HNRNPD: variants seen among roughly 807,000 people sequenced by gnomAD.
HNRNPD encodes heterogeneous nuclear ribonucleoprotein D.
Under a neutral mutation model 47.9 loss-of-function variants are expected in HNRNPD, and 3 were observed. The ratio of observed to expected loss-of-function variants is 0.06; its 90% confidence interval spans 0.03 to 0.16. The LOEUF (loss-of-function observed/expected upper bound fraction) is 0.16, where lower values mean the gene tolerates loss of function less well. Ranked by LOEUF, HNRNPD falls within the 10% of genes least tolerant of loss-of-function variation. The probability of loss-of-function intolerance (pLI) is 1.00; values close to 1 mark genes in which losing one functional copy is unlikely to be tolerated. For missense variants in HNRNPD, 287 were observed against 454.2 expected (o/e 0.63, Z 3.35); for synonymous variants, 171 against 165.1 (o/e 1.04, Z -0.28).
intron 2 of HNRNPD, among the ~76,000 whole-genome samples, chr4:82,369,046 A>G (rs1263885656): frequency 1.3e-5 from 2 of 152,234 alleles, no homozygotes; most frequent in African/African-American, 4.8e-5. Context: ...CCAATGCAGG[A>G]AAGTCTATGT....
rs754854555 is a variant in HNRNPD, at chr4:82,371,577, T to C, written c.241A>G (p.Asn81Asp). The C allele has an allele frequency of 4.3e-6, 7 of 1,612,932 alleles. No homozygotes were observed. Among genetic ancestry groups the C allele is most frequent in the Non-Finnish European group, 5.9e-6 (7 of 1,179,246 alleles). ...SKNEEDEGHS[N>D]SSPRHSEAAT... ...GCTTCAGAGTGTCGTGGGGAGGAGT[T>C]TGAATGGCTAGGGAATTAACAACCG... Residue 81 changes from asparagine (N) to aspartate (D), a missense_variant, in exon 2 of 9, where the codon AAC becomes GAC. Physicochemically the swap from Asn to Asp is conservative, Grantham distance 23. This residue lies in a region of HNRNPD where 161 missense variants were observed against 137.1 expected (regional missense o/e 1.17). Coordinates refer to ENST00000313899, the MANE Select transcript of HNRNPD (RefSeq NM_031370.3).
intron 2 of HNRNPD, among the ~76,000 whole-genome samples, chr4:82,363,746 A>G (rs75518960): frequency 0.016 from 2,480 of 152,290 alleles, 65 homozygotes; most frequent in African/African-American, 0.057. Context: ...TGAATATGGT[A>G]TTCAGTTTAA....
At chr4:82,357,024 T>C (rs369603469) in intron 5 of HNRNPD, 129 bp from the exon 6 acceptor site, 53 of 833,356 alleles carry the variant, frequency 6.4e-5, no homozygotes, top group East Asian at 5.7e-4. Context: ...TCAGTCAGTT[T>C]ATTAATTAAA....
chr4:82,354,403 TATTTACC>T (rs1723631924), intron 8 of HNRNPD: 1 of 152,640 alleles, frequency 6.6e-6, no homozygotes, highest in South Asian at 2.1e-4. Context: ...AGCTTTAAAG[TATTTACC>T]CAAAGAACTC....
At chr4:82,368,041 A>C (rs1294564707) in intron 2 of HNRNPD, among the ~76,000 whole-genome samples, 4 of 152,226 alleles carry the variant, frequency 2.6e-5, no homozygotes, top group African/African-American at 7.2e-5. Flanking sequence ...TAAAACGTTG[A>C]AGCAGAACTG....
At chr4:82,369,116 A>G (rs1429546354) in intron 2 of HNRNPD, among the ~76,000 whole-genome samples, 1 of 152,234 alleles carries the variant, frequency 6.6e-6, no homozygotes, top group Non-Finnish European at 1.5e-5. Flanking sequence ...TTGATTTTTA[A>G]ACTTTAAAAA....
intron 2 of HNRNPD, among the ~76,000 whole-genome samples, chr4:82,363,208 C>T (rs1489018260): frequency 1.3e-5 from 2 of 152,036 alleles, no homozygotes; most frequent in South Asian, 4.1e-4. Context: ...TCCTGAGTAG[C>T]TGGGATAACA....
In HNRNPD at chr4:82,373,865, C is replaced by T; in HGVS notation, c.-187G>A. The T allele has an allele frequency of 7.5e-7, 1 of 1,326,288 alleles. No individual in the cohort carries two copies. The highest frequency in any genetic ancestry group is 9.9e-7 in the Non-Finnish European group (1 of 1,007,358). 82.2% of individuals were successfully genotyped at this position (1,326,288 alleles called of 1,614,324 possible). The stretch of plus-strand genomic sequence containing the variant: ...CTCCCTGGCCTGCCCCCTTCGCCTC[C>T]CACTCTCGCGCGGCGCACACTCCCG... On this transcript the variant is annotated 5_prime_UTR_variant, in exon 1 of 9. Coordinates refer to ENST00000313899, the MANE Select transcript of HNRNPD (RefSeq NM_031370.3).
At chr4:82,372,053 GCT>G (rs1184781311) in intron 1 of HNRNPD, among the ~76,000 whole-genome samples, 1 of 151,760 alleles carries the variant, frequency 6.6e-6, no homozygotes, top group African/African-American at 2.4e-5. Context: ...CAAATCCTGG[GCT>G]CTTTCTCAGT....
intron 2 of HNRNPD, among the ~76,000 whole-genome samples, chr4:82,363,802 C>A (rs746893641): frequency 6.6e-6 from 1 of 152,196 alleles, no homozygotes; most frequent in South Asian, 2.1e-4. Context: ...ACATTGGCTT[C>A]CACCAAATTG....
At chr4:82,363,052 A>G (rs3972763) in intron 2 of HNRNPD, among the ~76,000 whole-genome samples, 27,331 of 139,446 alleles carry the variant, frequency 0.2, 2,743 homozygotes, top group Non-Finnish European at 0.23. Context: ...GTGTGTGTAT[A>G]TATATATATA....
At chr4:82,373,039 G>C (rs1162329464) in intron 1 of HNRNPD, 4 of 435,166 alleles carry the variant, frequency 9.2e-6, no homozygotes, top group Non-Finnish European at 1.8e-5. Flanking sequence ...AAACAGAGAA[G>C]CTGTTTGTGT....
At position 82,353,906 on chromosome 4, in the gene HNRNPD, C is replaced by T. The variant is rs1043645810; in HGVS notation, c.*279G>A. 1 of 152,582 alleles carries T rather than the reference C, an allele frequency of 6.6e-6. No homozygotes were observed. The highest frequency in any genetic ancestry group is 1.5e-5 in the Non-Finnish European group (1 of 68,022). 9.5% of individuals were successfully genotyped at this position (152,582 alleles called of 1,614,324 possible). ...ACACTGTCACACTGGGCTTTTAACA[C>T]AAGACTTGCTCTACAATACTGGGGG... On this transcript the variant is annotated 3_prime_UTR_variant, in exon 9 of 9. Transcript: ENST00000313899.
rs565612983 is a variant in HNRNPD, at chr4:82,363,042, G to A, written c.291-3403C>T. Among the ~76,000 whole-genome samples, 9 of 149,230 alleles carry A rather than the reference G, an allele frequency of 6.0e-5. No individual in the cohort carries two copies. The East Asian group carries it at 1.8e-3, about 29-fold the overall frequency. On this transcript the variant is annotated intron_variant, in intron 2 of 8. Transcript: ENST00000313899. ...TGATTTTATATATATATGTGTGTGTGTGTGTGTATATATATATATATATAC... is the reference window on the plus strand; with the variant it reads ...TGATTTTATATATATATGTGTGTGTATGTGTGTATATATATATATATATAC...
Position 82,373,643 on chromosome 4 carries a change from C to T in HNRNPD, c.36G>A (p.Ala12=), listed in dbSNP as rs1195358608. Residue 12 remains alanine (A), a synonymous_variant, in exon 1 of 9, where the codon GCG becomes GCA. Transcript: ENST00000313899. ...CGCCTACCGCCGCCGTTGCCGCTGC[C>T]GCCGCCCCGTCCCCGCCGAACTGCT... ...SEEQFGGDGA[A]AAATAAVGGS... The T allele has an allele frequency of 6.6e-7, 1 of 1,526,466 alleles. No individual in the cohort carries two copies. Among genetic ancestry groups the T allele is most frequent in the African/African-American group, 1.4e-5 (1 of 71,214 alleles). 94.6% of individuals were successfully genotyped at this position (1,526,466 alleles called of 1,614,324 possible).
rs960417024 is a variant in HNRNPD, at chr4:82,353,500, C to A, written c.*685G>T. ...CATTAACTATCTGTGCAAAGGGGTACTTTTGCACATTTATCCAGATTTGTT... is the reference window on the plus strand; with the variant it reads ...CATTAACTATCTGTGCAAAGGGGTAATTTTGCACATTTATCCAGATTTGTT... On this transcript the variant is annotated 3_prime_UTR_variant, in exon 9 of 9. Coordinates refer to ENST00000313899, the MANE Select transcript of HNRNPD (RefSeq NM_031370.3). 2.6e-5 allele frequency: 4 copies of A among 152,524 alleles called. No homozygotes were observed. Among genetic ancestry groups the A allele is most frequent in the African/African-American group, 9.7e-5 (4 of 41,426 alleles). 9.4% of individuals were successfully genotyped at this position (152,524 alleles called of 1,614,324 possible).
At chr4:82,370,184 T>C (rs2110002995) in intron 2 of HNRNPD, among the ~76,000 whole-genome samples, 1 of 152,294 alleles carries the variant, frequency 6.6e-6, no homozygotes, top group East Asian at 1.9e-4. Flanking sequence ...TTTCAGTAAA[T>C]GACAGTTGGT....
chr4:82,364,395 A>G (rs1396850900), intron 2 of HNRNPD, among the ~76,000 whole-genome samples: 5 of 152,230 alleles, frequency 3.3e-5, no homozygotes, highest in Non-Finnish European at 7.3e-5. Context: ...CTTAAAGGAC[A>G]CAGAATAGTC....
Position 82,357,459 on chromosome 4 carries a change from C to A in HNRNPD, c.622-15G>T. The A allele has an allele frequency of 1.3e-6, 2 of 1,585,816 alleles. No homozygotes were observed. Among genetic ancestry groups the A allele is most frequent in the Non-Finnish European group, 1.7e-6 (2 of 1,171,250 alleles). On this transcript the variant is annotated splice_polypyrimidine_tract_variant and intron_variant, in intron 4 of 8. Transcript: ENST00000313899. ...ATGGATTCCACCTGGTATTAAAAAA[C>A]AAATTTTAATATGCTAACATGCATT...
Sources: allele counts gnomAD v4.1 joint callset (sites outside exome capture counted in the v4.1 genomes callset), GRCh38; gene constraint gnomAD v4.1.1; regional missense constraint gnomAD v4.1.1; transcripts MANE v1.5; gene names NCBI Gene and HGNC (gene_info 2026-07-23, HGNC 2026-07-21).